Variants in SIGMAR1 observed in about 807,000 individuals in gnomAD.
SIGMAR1 encodes sigma non-opioid intracellular receptor 1.
Under a neutral mutation model 25.4 loss-of-function variants are expected in SIGMAR1, and 18 were observed. The observed-to-expected ratio is 0.71, with a 90% CI of 0.49 to 1.05. SIGMAR1 has a LOEUF of 1.05. Among genes scored for constraint, SIGMAR1 ranks in the 50% least tolerant of loss-of-function variants. The pLI is 0.00. For synonymous variants in SIGMAR1, 125 were observed against 131.6 expected (o/e 0.95, Z 0.34); for missense variants, 249 against 301.6 (o/e 0.83, Z 1.29).
intron 1 of SIGMAR1, 57 bp from the exon 2 acceptor site, chr9:34,637,477 A>G (rs1820921977): frequency 2.5e-6 from 4 of 1,583,072 alleles, no homozygotes; most frequent in Non-Finnish European, 3.4e-6. Flanking sequence ...AGGTCCGGGG[A>G]TGGCGCCTTC....
chr9:34,636,018 C>T (rs1001724499), intron 3 of SIGMAR1, among the ~76,000 whole-genome samples, 160 bp from the exon 4 acceptor site: 7 of 152,140 alleles, frequency 4.6e-5, no homozygotes, highest in Non-Finnish European at 8.8e-5. Context: ...ATGGCCACTC[C>T]TAAATGTTCT....
chr9:34,637,643 C>A lies in SIGMAR1; in HGVS notation c.55G>T (p.Ala19Ser). The stretch of plus-strand genomic sequence containing the variant: ...CAGACGACCTGGGTCAGCACCGCTG[C>A]GACAGCCAGGAGCAGCGCGGCCCAC... ...WAWAALLLAV[A>S]AVLTQVVWLW... Residue 19 changes from alanine (A) to serine (S), a missense_variant, in exon 1 of 4, where the codon GCA (alanine) becomes TCA (serine). Physicochemically the swap from Ala to Ser is moderately conservative, Grantham distance 99. Coordinates refer to ENST00000277010, the MANE Select transcript of SIGMAR1 (RefSeq NM_005866.4). The A allele has an allele frequency of 1.3e-6, 2 of 1,537,970 alleles. No homozygotes were observed. Among genetic ancestry groups the A allele is most frequent in the Non-Finnish European group, 1.7e-6 (2 of 1,146,990 alleles).
At chr9:34,636,895 A>T in intron 3 of SIGMAR1, 102 bp downstream of exon 3, 1 of 937,200 alleles carries the variant, frequency 1.1e-6, no homozygotes. Context: ...AACCATGAGG[A>T]GGGCCCCCCC....
intron 3 of SIGMAR1, among the ~76,000 whole-genome samples, chr9:34,636,390 T>C (rs1055971607): frequency 1.3e-5 from 2 of 149,868 alleles, no homozygotes; most frequent in South Asian, 4.2e-4. Flanking sequence ...TCCCAGAACT[T>C]TGGGAGGCCG....
Position 34,635,871 on chromosome 9 carries a change from G to GAGC in SIGMAR1, c.446-16_446-14dup. On this transcript the variant is annotated splice_polypyrimidine_tract_variant and intron_variant, in intron 3 of 3. Transcript: ENST00000277010. The surrounding 1 kb of genome is among the most constrained non-coding windows in gnomAD (Gnocchi z 4.5). ...ACTACCGTCTCCCCTGGGGGACAGG[G>GAGC]AGCACCCAAGTGAAAAGCCAGCTCT... The GAGC allele has an allele frequency of 6.2e-7, 1 of 1,613,716 alleles. No homozygotes were observed. The highest frequency in any genetic ancestry group is 1.7e-5 in the Admixed American group (1 of 60,026).
intron 1 of SIGMAR1, 61 bp from the exon 2 acceptor site, chr9:34,637,481 C>A: frequency 6.3e-7 from 1 of 1,581,164 alleles, no homozygotes. Flanking sequence ...CCGGGGATGG[C>A]GCCTTCGGAA....
At position 34,637,371 on chromosome 9, in the gene SIGMAR1, C is replaced by A; in HGVS notation, c.201G>T (p.Arg67=). Residue 67 remains arginine (R), a synonymous_variant, in exon 2 of 4, where the codon CGG becomes CGT. Coordinates refer to ENST00000277010, the MANE Select transcript of SIGMAR1 (RefSeq NM_005866.4). ...CGGGCAGCACGTGGCCTGGGTGCAG[C>A]CGCCGCAGCTCCACGATCAGACGAG... ...AFSRLIVELR[R]LHPGHVLPDE... 1 of 1,605,952 alleles carries A rather than the reference C, an allele frequency of 6.2e-7. No homozygotes were observed. Among genetic ancestry groups the A allele is most frequent in the Non-Finnish European group, 8.5e-7 (1 of 1,179,528 alleles).
chr9:34,637,616 GCCAGACGAC>G lies in SIGMAR1; in HGVS notation c.73_81del (p.Val25_Trp27del). The G allele has an allele frequency of 6.5e-7, 1 of 1,548,734 alleles. No individual in the cohort carries two copies. ...ACGAAGCTCTGCGTACCCAGCCAGAGCCAGACGACCTGGGTCAGCACCGCTGCGACAGCC... is the reference window on the plus strand; with the variant it reads ...ACGAAGCTCTGCGTACCCAGCCAGAGCTGGGTCAGCACCGCTGCGACAGCC... On this transcript the variant is annotated inframe_deletion, in exon 1 of 4. Coordinates refer to ENST00000277010, the MANE Select transcript of SIGMAR1 (RefSeq NM_005866.4).
At chr9:34,636,805 C>T (rs1820881210) in intron 3 of SIGMAR1, 192 bp downstream of exon 3, 5 of 632,918 alleles carry the variant, frequency 7.9e-6, no homozygotes, top group South Asian at 7.2e-5. Flanking sequence ...TGTTTTGTTT[C>T]CCCTTGACAG....
At position 34,635,584 on chromosome 9, in the gene SIGMAR1, G is replaced by T. The variant is rs748114512; in HGVS notation, c.*48C>A. On this transcript the variant is annotated 3_prime_UTR_variant, in exon 4 of 4. Coordinates refer to ENST00000277010, the MANE Select transcript of SIGMAR1 (RefSeq NM_005866.4). The surrounding 1 kb of genome is among the most constrained non-coding windows in gnomAD (Gnocchi z 4.5). ...GGCTCCAGCAAGTGGATATGTGCGG[G>T]CCTGCCCGCTCCTGTCTATCCGCAG... is the stretch of plus-strand genomic sequence containing the variant. 5.0e-6 allele frequency: 8 copies of T among 1,611,606 alleles called. No homozygotes were observed. The highest frequency in any genetic ancestry group is 6.8e-6 in the Non-Finnish European group (8 of 1,179,038).
Position 34,637,531 on chromosome 9 carries a change from C to T in SIGMAR1, c.151+16G>A. The T allele has an allele frequency of 4.4e-6, 7 of 1,584,990 alleles. No homozygotes were observed. Among genetic ancestry groups the T allele is most frequent in the Non-Finnish European group, 6.0e-6 (7 of 1,170,418 alleles). The stretch of plus-strand genomic sequence containing the variant: ...CCCAGGCCGGCCGCTCCCCTCCCTG[C>T]CCTCTGCCCGCTCACCAGCGTACTG... On this transcript the variant is annotated intron_variant, in intron 1 of 3. Transcript: ENST00000277010.
Position 34,635,654 on chromosome 9 carries a change from T to G in SIGMAR1, c.650A>C (p.Tyr217Ser), listed in dbSNP as rs1587225097. 1 of 1,613,798 alleles carries G rather than the reference T, an allele frequency of 6.2e-7. No individual in the cohort carries two copies. Among genetic ancestry groups the G allele is most frequent in the Non-Finnish European group, 8.5e-7 (1 of 1,179,932 alleles). Residue 217 changes from tyrosine to serine, a missense_variant, in exon 4 of 4, where the codon TAC (tyrosine) becomes TCC (serine). Coordinates refer to ENST00000277010, the MANE Select transcript of SIGMAR1 (RefSeq NM_005866.4). The surrounding 1 kb of genome is among the most constrained non-coding windows in gnomAD (Gnocchi z 4.5). ...ARGLRLELTT[Y>S]LFGQDP ...TGGTCAAGGGTCCTGGCCAAAGAGG[T>G]AGGTGGTGAGCTCAAGCCGGAGGCC...
intron 1 of SIGMAR1, 21 bp from the exon 2 acceptor site, chr9:34,637,441 G>A (rs776727822): frequency 1.3e-6 from 2 of 1,596,854 alleles, no homozygotes; most frequent in Non-Finnish European, 8.5e-7. Context: ...CAGAGGGGCG[G>A]CGGAGTCAGG....
At position 34,637,411 on chromosome 9, in the gene SIGMAR1, T is replaced by C; in HGVS notation, c.161A>G (p.His54Arg). Residue 54 changes from histidine to arginine, a missense_variant, in exon 2 of 4, where the codon CAC becomes CGC. Transcript: ENST00000277010. ...QLARQYAGLD[H>R]ELAFSRLIVE... Reference sequence around the variant, plus strand: ...GATCAGACGAGAGAAGGCCAGCTCGTGGTCCAGCCCTGGCGGAGGCAGAGG... The same window carrying C: ...GATCAGACGAGAGAAGGCCAGCTCGCGGTCCAGCCCTGGCGGAGGCAGAGG... 2 of 1,603,734 alleles carry C rather than the reference T, an allele frequency of 1.2e-6. No individual in the cohort carries two copies. The highest frequency in any genetic ancestry group is 8.5e-7 in the Non-Finnish European group (1 of 1,179,432).
At position 34,637,551 on chromosome 9, in the gene SIGMAR1, G is replaced by A. The variant is rs1020552197; in HGVS notation, c.147C>T (p.Tyr49=). Reference sequence around the variant, plus strand: ...CCCTGCCCTCTGCCCGCTCACCAGCGTACTGCCGCGCCAACTGCGCTATCT... The same window carrying A: ...CCCTGCCCTCTGCCCGCTCACCAGCATACTGCCGCGCCAACTGCGCTATCT... ...REEIAQLARQ[Y]AGLDHELAFS... is the part of the protein sequence containing the mutation. The change falls in exon 1 of 4, where the codon TAC becomes TAT. Residue 49 remains tyrosine (Y), a synonymous_variant. Transcript: ENST00000277010. The A allele has an allele frequency of 6.9e-6, 11 of 1,584,144 alleles. 1 individual carries two copies. In the South Asian group the frequency reaches 9.1e-5, roughly 13 times the overall value.
At chr9:34,636,101 T>C (rs1390497324) in intron 3 of SIGMAR1, among the ~76,000 whole-genome samples, 1 of 152,062 alleles carries the variant, frequency 6.6e-6, no homozygotes, top group East Asian at 1.9e-4. Flanking sequence ...ATGGACCCAC[T>C]GTATGGAAGT....
chr9:34,635,545 T>C lies in SIGMAR1; in HGVS notation c.*87A>G. On this transcript the variant is annotated 3_prime_UTR_variant, in exon 4 of 4. Coordinates refer to ENST00000277010, the MANE Select transcript of SIGMAR1 (RefSeq NM_005866.4). This position sits in a 1 kb window ranked among gnomAD's most constrained non-coding sequence, Gnocchi z 4.5. ...TCAGGATCTGCATGGTGTATGTCCC[T>C]GTCTGTAAACATGGGCTCCAGCAAG... is the stretch of plus-strand genomic sequence containing the variant. The C allele has an allele frequency of 6.3e-7, 1 of 1,579,542 alleles. No homozygotes were observed. The highest frequency in any genetic ancestry group is 8.6e-7 in the Non-Finnish European group (1 of 1,161,322).
At chr9:34,636,865 A>C in intron 3 of SIGMAR1, 132 bp downstream of exon 3, 1 of 759,154 alleles carries the variant, frequency 1.3e-6, no homozygotes, top group Non-Finnish European at 2.3e-6. Context: ...CCTGTGGCTT[A>C]TGGGAGGGTG....
At chr9:34,636,559 C>A in intron 3 of SIGMAR1, among the ~76,000 whole-genome samples, 1 of 152,160 alleles carries the variant, frequency 6.6e-6, no homozygotes, top group Non-Finnish European at 1.5e-5. Context: ...GGCGTGAACC[C>A]GGGAAGCGGA....
Sources: allele counts gnomAD v4.1 joint callset (sites outside exome capture counted in the v4.1 genomes callset), GRCh38; gene constraint gnomAD v4.1.1; non-coding constraint Gnocchi (gnomAD v3.1); transcripts MANE v1.5; gene names NCBI Gene and HGNC (gene_info 2026-07-23, HGNC 2026-07-21).